KTN1: variants seen among roughly 807,000 people sequenced by gnomAD.
The protein encoded by KTN1 is kinectin 1.
A neutral mutation model predicts 222.5 loss-of-function variants in KTN1; 130 were observed. The ratio of observed to expected loss-of-function variants is 0.58; its 90% confidence interval spans 0.51 to 0.68. KTN1 has a LOEUF of 0.68. Among genes scored for constraint, KTN1 ranks in the 30% least tolerant of loss-of-function variants. The pLI is 0.00. For missense variants in KTN1, 1,508 were observed against 1,500.4 expected, an observed-to-expected ratio of 1.01 and a Z score of -0.08; for synonymous variants, 512 against 496.3, an observed-to-expected ratio of 1.03 and a Z score of -0.42.
At chr14:55,584,363 G>A (rs1295125087) in intron 1 of KTN1, among the ~76,000 whole-genome samples, 2 of 152,224 alleles carry the variant, frequency 1.3e-5, no homozygotes, top group Non-Finnish European at 2.9e-5. Flanking sequence ...CCTGATAGAA[G>A]TTGTGTAATA....
At chr14:55,598,807 A>T (rs1463099578) in intron 1 of KTN1, among the ~76,000 whole-genome samples, 3 of 152,240 alleles carry the variant, frequency 2.0e-5, no homozygotes, top group Non-Finnish European at 2.9e-5. Context: ...ACACAACGTT[A>T]CAACAAATGT....
intron 30 of KTN1, among the ~76,000 whole-genome samples, chr14:55,658,970 G>A (rs2043807201): frequency 6.6e-6 from 1 of 152,082 alleles, no homozygotes; most frequent in African/African-American, 2.4e-5. Flanking sequence ...ATTAGTAACT[G>A]GAGAGAAACT....
intron 5 of KTN1, among the ~76,000 whole-genome samples, chr14:55,624,166 C>T (rs1816944680): frequency 6.6e-6 from 1 of 152,172 alleles, no homozygotes; most frequent in South Asian, 2.1e-4. Context: ...CTTTGTAGGT[C>T]TCCTGAATCT....
chr14:55,652,666 T>TG (rs746502568), intron 25 of KTN1, among the ~76,000 whole-genome samples, 184 bp from the exon 26 acceptor site: 6 of 152,346 alleles, frequency 3.9e-5, no homozygotes, highest in Non-Finnish European at 8.8e-5. Context: ...CCCAAAGTGT[T>TG]GGGATTACAG....
In KTN1 at chr14:55,629,944, G is replaced by C. The variant is rs2274074; in HGVS notation, c.1081-13G>C. Reference sequence around the variant, plus strand: ...AAATAACAAGTTTTTAAATTTCTGGGATATTCTTTTAGGAAATGATGACAG... The same window carrying C: ...AAATAACAAGTTTTTAAATTTCTGGCATATTCTTTTAGGAAATGATGACAG... On this transcript the variant is annotated splice_polypyrimidine_tract_variant and intron_variant, in intron 6 of 43. Transcript: ENST00000395314. 3 of 1,545,056 alleles carry C rather than the reference G, an allele frequency of 1.9e-6. No individual in the cohort carries two copies. In the South Asian group the frequency reaches 3.4e-5, roughly 18 times the overall value.
intron 28 of KTN1, among the ~76,000 whole-genome samples, chr14:55,654,204 G>C (rs990742073): frequency 1.5e-4 from 23 of 152,102 alleles, no homozygotes; most frequent in African/African-American, 5.6e-4. Flanking sequence ...ATCTGGACCT[G>C]ATCTTTTTGG....
chr14:55,660,418 C>A (rs2044000650), intron 31 of KTN1, among the ~76,000 whole-genome samples: 1 of 126,238 alleles, frequency 7.9e-6, no homozygotes, highest in South Asian at 2.8e-4. Flanking sequence ...TTTACTGATA[C>A]CTTTTTCTTG....
Position 55,610,892 on chromosome 14 carries a change from G to C in KTN1, c.-30-1127G>C, listed in dbSNP as rs891909027. Among the ~76,000 whole-genome samples, 16 of 152,248 alleles carry C rather than the reference G, an allele frequency of 1.1e-4. No individual in the cohort carries two copies. The South Asian group carries it at 3.3e-3, about 32-fold the overall frequency. On this transcript the variant is annotated intron_variant, in intron 1 of 43. Transcript: ENST00000395314. ...TGGTAGTCAAATTACATCGCCACCCGCCCCCTTCCCGCCCCGGGCGTACTT... is the reference window on the plus strand; with the variant it reads ...TGGTAGTCAAATTACATCGCCACCCCCCCCCTTCCCGCCCCGGGCGTACTT...
chr14:55,605,842 C>G lies in KTN1; in HGVS notation c.-30-6177C>G, dbSNP rs144174220. On this transcript the variant is annotated intron_variant, in intron 1 of 43. Coordinates refer to ENST00000395314, the MANE Select transcript of KTN1 (RefSeq NM_001079521.2). ...CAGGAGGAGTTCATTGTATCTAAAC[C>G]TTTTGCAGAATGGAAATCTAATTAA... 3.2e-3 allele frequency among the ~76,000 whole-genome samples: 493 copies of G among 152,098 alleles called. 3 individuals carry two copies. The highest frequency in any genetic ancestry group is 7.9e-3 in the African/African-American group (327 of 41,520).
At chr14:55,668,065 T>G (rs373456627) in intron 34 of KTN1, 2 of 152,202 alleles carry the variant, frequency 1.3e-5, no homozygotes, top group East Asian at 1.9e-4. Flanking sequence ...CTAGATTATT[T>G]TGAAGGAACT....
chr14:55,614,115 G>T (rs556826376), intron 2 of KTN1, among the ~76,000 whole-genome samples: 1 of 152,294 alleles, frequency 6.6e-6, no homozygotes, highest in East Asian at 1.9e-4. Flanking sequence ...AGGGAACAGA[G>T]CTGAAAAGAT....
intron 1 of KTN1, among the ~76,000 whole-genome samples, chr14:55,609,162 C>T (rs980802828): frequency 1.3e-5 from 2 of 152,104 alleles, no homozygotes; most frequent in African/African-American, 2.4e-5. Flanking sequence ...AGCCCCCACC[C>T]GCAACAGGCC....
rs112347018 is a variant in KTN1 at position 55,679,982 on chromosome 14, G to A, written c.4069+297G>A. 1,418 of 312,826 alleles carry A rather than the reference G, an allele frequency of 4.5e-3. 16 individuals carry two copies. The highest frequency in any genetic ancestry group is 0.027 in the African/African-American group (1,239 of 45,304). The allele number at this position is 312,826 out of a possible 1,614,324, so 19.4% of individuals were successfully genotyped here. ...TTGCCTTAATACCTGCAACGGCTTC[G>A]TTAATTTATTCTGTTCTTAGTTTAG... On this transcript the variant is annotated intron_variant, in intron 43 of 43. Coordinates refer to ENST00000395314, the MANE Select transcript of KTN1 (RefSeq NM_001079521.2).
At chr14:55,638,647 G>A (rs2041415774) in intron 12 of KTN1, among the ~76,000 whole-genome samples, 1 of 151,828 alleles carries the variant, frequency 6.6e-6, no homozygotes. Flanking sequence ...AGGAAAGGGT[G>A]CTGGTGTGGA....
At chr14:55,631,357 T>TATATATATAG (rs2040510659) in intron 7 of KTN1, among the ~76,000 whole-genome samples, 5 of 145,452 alleles carry the variant, frequency 3.4e-5, no homozygotes, top group Non-Finnish European at 6.0e-5. Context: ...TATATATATA[T>TATATATATAG]ATATATATAT....
chr14:55,648,654 A>G, intron 20 of KTN1, 148 bp from the exon 21 acceptor site: 1 of 657,314 alleles, frequency 1.5e-6, no homozygotes, highest in Non-Finnish European at 2.7e-6. Flanking sequence ...TAGACATTAC[A>G]GAATTATAGA....
At chr14:55,662,281 G>A (rs1230031852) in intron 32 of KTN1, among the ~76,000 whole-genome samples, 1 of 151,970 alleles carries the variant, frequency 6.6e-6, no homozygotes, top group African/African-American at 2.4e-5. Flanking sequence ...TGTAGGCCAG[G>A]CTGGTCTCGA....
chr14:55,677,078 T>A (rs1217320032), intron 41 of KTN1, among the ~76,000 whole-genome samples: 1 of 152,204 alleles, frequency 6.6e-6, no homozygotes, highest in Non-Finnish European at 1.5e-5. Context: ...TTATTTACAG[T>A]AGCTAAGATG....
chr14:55,637,421 T>G, intron 11 of KTN1, 57 bp downstream of exon 11: 1 of 1,224,766 alleles, frequency 8.2e-7, no homozygotes, highest in Non-Finnish European at 1.1e-6. Flanking sequence ...TTATTAGATC[T>G]GTGTGTCTAG....
Sources: allele counts gnomAD v4.1 joint callset (sites outside exome capture counted in the v4.1 genomes callset), GRCh38; gene constraint gnomAD v4.1.1; transcripts MANE v1.5; gene names NCBI Gene and HGNC (gene_info 2026-07-23, HGNC 2026-07-21).